Variants in CLNK observed in about 807,000 individuals in gnomAD.
The protein encoded by CLNK is cytokine dependent hematopoietic cell linker.
In CLNK, 74 loss-of-function variants were observed where a neutral mutation model predicts 68.6. The observed-to-expected ratio is 1.08, with a 90% CI of 0.89 to 1.31. CLNK has a LOEUF of 1.31. Among genes scored for constraint, CLNK ranks in the 50% most tolerant of loss-of-function variants. CLNK has a pLI of 0.00. For synonymous variants in CLNK, 198 were observed against 172.2 expected, an observed-to-expected ratio of 1.15 and a Z score of -1.17; for missense variants, 553 against 515.3, an observed-to-expected ratio of 1.07 and a Z score of -0.71.
intron 7 of CLNK, among the ~76,000 whole-genome samples, chr4:10,559,959 G>A (rs1268006144): frequency 1.3e-5 from 2 of 152,130 alleles, no homozygotes; most frequent in African/African-American, 2.4e-5. Context: ...CCTACTAGAT[G>A]TCAGTAGAAC....
chr4:10,548,648 G>GTTGATTTAATCCACCCCAAA (rs1438427295), intron 8 of CLNK, among the ~76,000 whole-genome samples: 1 of 152,172 alleles, frequency 6.6e-6, no homozygotes, highest in Non-Finnish European at 1.5e-5. Context: ...TATACCCCAA[G>GTTGATTTAATCCACCCCAAA]TTGATTTAAT....
chr4:10,650,859 AAAAC>A (rs989884705), intron 2 of CLNK, among the ~76,000 whole-genome samples: 18 of 152,316 alleles, frequency 1.2e-4, no homozygotes, highest in Admixed American at 2.6e-4. Flanking sequence ...ACAAGAAAAA[AAAAC>A]AAACAACCTC....
chr4:10,494,023 C>G (rs1193518858), intron 18 of CLNK, among the ~76,000 whole-genome samples: 3 of 152,210 alleles, frequency 2.0e-5, no homozygotes, highest in Non-Finnish European at 4.4e-5. Context: ...TCTAGCTTTG[C>G]CAAGAACATC....
At chr4:10,594,661 A>G (rs1391969626) in intron 3 of CLNK, among the ~76,000 whole-genome samples, 1 of 152,204 alleles carries the variant, frequency 6.6e-6, no homozygotes, top group Non-Finnish European at 1.5e-5. Flanking sequence ...CTCCTTCCTC[A>G]TGGTGGGGAA....
chr4:10,687,204 GAA>G (rs57990237), upstream of CLNK, among the ~76,000 whole-genome samples: 1 of 140,312 alleles, frequency 7.1e-6, no homozygotes, highest in African/African-American at 2.6e-5. Flanking sequence ...ATATAGAGGT[GAA>G]AAAAAAAAAA....
At chr4:10,635,460 T>G (rs374484430) in intron 2 of CLNK, among the ~76,000 whole-genome samples, 1 of 152,286 alleles carries the variant, frequency 6.6e-6, no homozygotes, top group African/African-American at 2.4e-5. Flanking sequence ...AGAGGAGGCC[T>G]TTTCTCTCCT....
chr4:10,674,739 T>A (rs1724802970), intron 1 of CLNK, among the ~76,000 whole-genome samples: 1 of 152,196 alleles, frequency 6.6e-6, no homozygotes, highest in African/African-American at 2.4e-5. Context: ...GGGCGGATGG[T>A]CTCAATGATT....
intron 17 of CLNK, among the ~76,000 whole-genome samples, chr4:10,503,537 ATTCT>A (rs964198233): frequency 3.4e-5 from 5 of 148,546 alleles, no homozygotes; most frequent in African/African-American, 4.9e-5. Context: ...ATGATATATA[ATTCT>A]TTATATAGAT....
chr4:10,550,054 T>C (rs971621781), intron 8 of CLNK, among the ~76,000 whole-genome samples: 1 of 152,236 alleles, frequency 6.6e-6, no homozygotes, highest in Admixed American at 6.5e-5. Context: ...ATCACCGTGT[T>C]CTGGGAGGGT....
chr4:10,541,991 C>T lies in CLNK; in HGVS notation c.491+31G>A, dbSNP rs183775246. On this transcript the variant is annotated intron_variant, in intron 10 of 18. Transcript: ENST00000226951. ...TGGCACAAATTATTTCATTGTATAG[C>T]GAAAAAAAATGCTATTTTAAAGTGT... The T allele has an allele frequency of 3.3e-4, 481 of 1,465,864 alleles. 1 individual carries two copies. Among genetic ancestry groups the T allele is most frequent in the African/African-American group, 2.3e-3 (143 of 63,218 alleles). The allele number at this position is 1,465,864 out of a possible 1,614,324, so 90.8% of individuals were successfully genotyped here.
chr4:10,733,345 C>T, the CLNK span, among the ~76,000 whole-genome samples: 12 of 152,252 alleles, frequency 7.9e-5, no homozygotes, highest in East Asian at 1.5e-3. Flanking sequence ...CTTCACTGCC[C>T]GTTCAGATCT....
chr4:10,679,715 C>T (rs902881555), intron 1 of CLNK, among the ~76,000 whole-genome samples: 6 of 152,112 alleles, frequency 3.9e-5, no homozygotes, highest in African/African-American at 1.4e-4. Context: ...AGGATATGAA[C>T]AGACACTTCT....
At chr4:10,563,231 A>C (rs560968035) in intron 7 of CLNK, among the ~76,000 whole-genome samples, 1 of 152,234 alleles carries the variant, frequency 6.6e-6, no homozygotes, top group African/African-American at 2.4e-5. Flanking sequence ...AATACTCACT[A>C]ATAACTGTGG....
chr4:10,563,543 G>T (rs1158573182), intron 7 of CLNK, among the ~76,000 whole-genome samples: 1 of 152,158 alleles, frequency 6.6e-6, no homozygotes, highest in Non-Finnish European at 1.5e-5. Context: ...AGAATTTAAT[G>T]TGAGAAGAAA....
At chr4:10,604,985 C>T (rs945378909) in intron 2 of CLNK, among the ~76,000 whole-genome samples, 7 of 152,320 alleles carry the variant, frequency 4.6e-5, no homozygotes, top group African/African-American at 1.4e-4. Flanking sequence ...GGGTGGGCCT[C>T]ATCCAATCAG....
chr4:10,729,829 G>A, the CLNK span, among the ~76,000 whole-genome samples: 4 of 152,096 alleles, frequency 2.6e-5, no homozygotes, highest in Admixed American at 2.6e-4. Context: ...ACTTGACCAC[G>A]TTTCATTAAA....
In CLNK at chr4:10,487,965, C is replaced by G. The variant is rs1302825065; in HGVS notation, c.*2502G>C. 1.3e-5 allele frequency: 2 copies of G among 152,136 alleles called. No individual in the cohort carries two copies. The highest frequency in any genetic ancestry group is 2.4e-5 in the African/African-American group (1 of 41,420). The allele number at this position is 152,136 out of a possible 1,614,324, so 9.4% of individuals were successfully genotyped here. A position where few individuals can be genotyped will look rare whatever the true frequency, so the allele number is the denominator to read the frequency against. Reference sequence around the variant, plus strand: ...CTAACTTTGTCCTGGTGTCTGAGTTCTAGAAAACCCGACACCCAATCCCTC... The same window carrying G: ...CTAACTTTGTCCTGGTGTCTGAGTTGTAGAAAACCCGACACCCAATCCCTC... On this transcript the variant is annotated 3_prime_UTR_variant, in exon 19 of 19. Coordinates refer to ENST00000226951, the MANE Select transcript of CLNK (RefSeq NM_052964.4).
chr4:10,510,237 G>C (rs1433666221), intron 16 of CLNK, among the ~76,000 whole-genome samples: 1 of 152,084 alleles, frequency 6.6e-6, no homozygotes, highest in Non-Finnish European at 1.5e-5. Context: ...CGGGGGGAGG[G>C]GGGAAGTCCC....
chr4:10,568,301 A>G (rs1720202851), intron 5 of CLNK, among the ~76,000 whole-genome samples: 1 of 152,214 alleles, frequency 6.6e-6, no homozygotes, highest in African/African-American at 2.4e-5. Flanking sequence ...GGAATGTTGC[A>G]TGATTCTGTT....
Sources: allele counts gnomAD v4.1 joint callset (sites outside exome capture counted in the v4.1 genomes callset), GRCh38; gene constraint gnomAD v4.1.1; transcripts MANE v1.5; gene names NCBI Gene and HGNC (gene_info 2026-07-23, HGNC 2026-07-21).